The following KCNAB1 variants were observed in gnomAD, a reference collection of about 807,000 sequenced individuals.
The protein encoded by KCNAB1 is potassium voltage-gated channel subfamily A regulatory beta subunit 1, also known as voltage-gated potassium channel subunit beta-1.
A neutral mutation model predicts 64.6 loss-of-function variants in KCNAB1; 35 were observed. The ratio of observed to expected loss-of-function variants is 0.54; its 90% CI spans 0.41 to 0.72. KCNAB1 has a LOEUF of 0.72. KCNAB1 is among the 30% of genes least tolerant of loss of function. The pLI, the probability that KCNAB1 is intolerant of heterozygous loss-of-function variation, is 0.00. For synonymous variants in KCNAB1, 177 were observed against 183.8 expected (o/e 0.96, Z 0.30); for missense variants, 401 against 512.9 (o/e 0.78, Z 2.11).
intron 8 of KCNAB1, among the ~76,000 whole-genome samples, chr3:156,501,202 AAAGG>A (rs2108367094): frequency 6.6e-6 from 1 of 152,334 alleles, no homozygotes; most frequent in South Asian, 2.1e-4. Flanking sequence ...CATAGAAACA[AAAGG>A]AAGGGAAAAT....
intron 1 of KCNAB1, among the ~76,000 whole-genome samples, chr3:156,293,629 C>A (rs1009941394): frequency 1.3e-5 from 2 of 152,194 alleles, no homozygotes; most frequent in African/African-American, 4.8e-5. Context: ...AAGCTCTTTA[C>A]CCCAGCTGCA....
At chr3:156,522,796 C>T (rs1361999102) in intron 11 of KCNAB1, among the ~76,000 whole-genome samples, 1 of 151,518 alleles carries the variant, frequency 6.6e-6, no homozygotes, top group Non-Finnish European at 1.5e-5. Context: ...GAGCATTCTG[C>T]GGTCTCTGGG....
intron 8 of KCNAB1, among the ~76,000 whole-genome samples, chr3:156,482,082 G>A (rs1275143386): frequency 1.3e-5 from 2 of 152,124 alleles, no homozygotes; most frequent in East Asian, 1.9e-4. Context: ...AGTCATGTAA[G>A]ATTCAAGCCA....
At chr3:156,524,451 T>C (rs769497475) in intron 12 of KCNAB1, among the ~76,000 whole-genome samples, 1 of 152,096 alleles carries the variant, frequency 6.6e-6, no homozygotes, top group South Asian at 2.1e-4. Context: ...CTGGTAACAA[T>C]TGAAAACCAC....
At chr3:156,235,129 T>G (rs1371847315) in intron 1 of KCNAB1, among the ~76,000 whole-genome samples, 1 of 152,186 alleles carries the variant, frequency 6.6e-6, no homozygotes, top group Non-Finnish European at 1.5e-5. Context: ...GAAAATTTTA[T>G]TTGCTGGTAG....
chr3:156,346,026 C>G (rs1032595361), intron 1 of KCNAB1, among the ~76,000 whole-genome samples: 1 of 151,960 alleles, frequency 6.6e-6, no homozygotes, highest in Admixed American at 6.6e-5. Context: ...TAGCATTTAC[C>G]TGAAATCACA....
chr3:156,267,251 C>A (rs1718774703), intron 1 of KCNAB1, among the ~76,000 whole-genome samples: 1 of 152,124 alleles, frequency 6.6e-6, no homozygotes. Flanking sequence ...CCATTATATT[C>A]ATGTTAGAAC....
At chr3:156,153,081 C>T (rs574151539) in intron 1 of KCNAB1, among the ~76,000 whole-genome samples, 2 of 149,014 alleles carry the variant, frequency 1.3e-5, no homozygotes, top group African/African-American at 2.5e-5. Flanking sequence ...GTGTAGAGCT[C>T]AATAAATATT....
intron 1 of KCNAB1, among the ~76,000 whole-genome samples, chr3:156,317,007 A>G (rs1332651111): frequency 1.3e-5 from 2 of 152,164 alleles, no homozygotes; most frequent in Non-Finnish European, 2.9e-5. Flanking sequence ...TGACTAGCAC[A>G]GGGCCCAGAG....
chr3:156,472,830 A>G (rs1216747080), intron 7 of KCNAB1, among the ~76,000 whole-genome samples: 1 of 152,182 alleles, frequency 6.6e-6, no homozygotes, highest in African/African-American at 2.4e-5. Context: ...AGAGCCTGGC[A>G]CGGTCTCAGG....
At chr3:156,484,861 A>G (rs951136908) in intron 8 of KCNAB1, among the ~76,000 whole-genome samples, 4 of 54,696 alleles carry the variant, frequency 7.3e-5, no homozygotes, top group African/African-American at 2.4e-4. Flanking sequence ...ATGTGTCCTA[A>G]AAAAATATGA....
intron 1 of KCNAB1, among the ~76,000 whole-genome samples, chr3:156,298,070 G>T (rs1720915674): frequency 6.6e-6 from 1 of 152,184 alleles, no homozygotes; most frequent in Admixed American, 6.5e-5. Flanking sequence ...TGGTGAGAAT[G>T]GGGAGGTGGA....
chr3:156,404,701 G>A (rs1006486665), intron 1 of KCNAB1, among the ~76,000 whole-genome samples: 7 of 152,150 alleles, frequency 4.6e-5, no homozygotes, highest in African/African-American at 1.7e-4. Flanking sequence ...GGTACGTCCC[G>A]GTGCAAGTGA....
At chr3:156,396,975 T>A (rs1428030034) in intron 1 of KCNAB1, among the ~76,000 whole-genome samples, 2 of 152,256 alleles carry the variant, frequency 1.3e-5, no homozygotes, top group African/African-American at 4.8e-5. Context: ...TTGGGCTTGC[T>A]GCTGGCTCCT....
intron 1 of KCNAB1, among the ~76,000 whole-genome samples, chr3:156,164,812 A>G (rs1001546655): frequency 6.6e-6 from 1 of 152,244 alleles, no homozygotes; most frequent in East Asian, 1.9e-4. Context: ...AAGACACTCC[A>G]TCTCTTTTTG....
rs754587979 is a variant in KCNAB1 at position 156,463,780 on chromosome 3, T to G, written c.527+34T>G. On this transcript the variant is annotated intron_variant, in intron 6 of 13. Coordinates refer to ENST00000490337, the MANE Select transcript of KCNAB1 (RefSeq NM_172160.3). ...TTTTTCCTACTAAACAGAAAACAAC[T>G]AGTAGTTCATGCTTTTTTGCTGTTA... The G allele has an allele frequency of 3.3e-6, 5 of 1,528,728 alleles. No individual in the cohort carries two copies. The African/African-American group carries it at 6.9e-5, about 21-fold the overall frequency. 94.7% of individuals were successfully genotyped at this position (1,528,728 alleles called of 1,614,324 possible).
chr3:156,403,659 C>A (rs1393084955), intron 1 of KCNAB1, among the ~76,000 whole-genome samples: 1 of 151,992 alleles, frequency 6.6e-6, no homozygotes, highest in Non-Finnish European at 1.5e-5. Context: ...TTTTGGGAGG[C>A]CGAGGTGGGC....
chr3:156,300,195 C>T (rs1195597146), intron 1 of KCNAB1, among the ~76,000 whole-genome samples: 1 of 152,140 alleles, frequency 6.6e-6, no homozygotes, highest in Non-Finnish European at 1.5e-5. Context: ...ACTACGAAAC[C>T]ATCCAAGGTA....
intron 1 of KCNAB1, among the ~76,000 whole-genome samples, chr3:156,270,043 T>C (rs909367005): frequency 6.6e-6 from 1 of 151,598 alleles, no homozygotes; most frequent in Admixed American, 6.6e-5. Context: ...AGCCTCCTGA[T>C]TAGCTGGGAC....
Sources: gnomAD v4.1 joint callset for allele counts (sites outside exome capture counted in the v4.1 genomes callset) on GRCh38, gnomAD v4.1.1 for gene constraint, MANE v1.5 for transcripts, NCBI Gene and HGNC (gene_info 2026-07-23, HGNC 2026-07-21) for gene names.